The following EBF2 variants were observed in gnomAD, a reference collection of about 807,000 sequenced individuals.
EBF2 encodes the protein transcription factor COE2.
A neutral mutation model predicts 72.8 loss-of-function variants in EBF2; 21 were observed. The observed-to-expected ratio is 0.29, with a 90% confidence interval of 0.20 to 0.42. The LOEUF (loss-of-function observed/expected upper bound fraction) is 0.42. Ranked by LOEUF, EBF2 falls within the 10% of genes least tolerant of loss-of-function variation. EBF2 has a pLI of 1.00. For synonymous variants in EBF2, 299 were observed against 274.2 expected, an observed-to-expected ratio of 1.09 and a Z score of -0.89; for missense variants, 637 against 731.2, an observed-to-expected ratio of 0.87 and a Z score of 1.49.
chr8:25,949,071 G>A (rs1354567844), intron 6 of EBF2, among the ~76,000 whole-genome samples: 1 of 152,156 alleles, frequency 6.6e-6, no homozygotes, highest in African/African-American at 2.4e-5. Context: ...TTTATTGAAT[G>A]CCTACCATAT....
chr8:26,044,579 G>T lies in EBF2; in HGVS notation c.131+150C>A. 8.5e-7 allele frequency: 1 copy of T among 1,181,456 alleles called. No individual in the cohort carries two copies. Among genetic ancestry groups the T allele is most frequent in the South Asian group, 1.5e-5 (1 of 67,138 alleles). The allele number at this position is 1,181,456 out of a possible 1,614,324, so 73.2% of individuals were successfully genotyped here. On this transcript the variant is annotated intron_variant, in intron 1 of 15. Coordinates refer to ENST00000520164, the MANE Select transcript of EBF2 (RefSeq NM_022659.4). The surrounding 1 kb of genome is among the most constrained non-coding windows in gnomAD (Gnocchi z 4.1). ...TTCGCCTGACTGCAGCGATCTGCTTGCCCGAGGGCGAGCCCCAGCGCGCAG... is the reference window on the plus strand; with the variant it reads ...TTCGCCTGACTGCAGCGATCTGCTTTCCCGAGGGCGAGCCCCAGCGCGCAG...
intron 6 of EBF2, among the ~76,000 whole-genome samples, chr8:26,022,243 A>G (rs1805214069): frequency 6.6e-6 from 1 of 152,206 alleles, no homozygotes; most frequent in Non-Finnish European, 1.5e-5. Flanking sequence ...TTGGCCAGCT[A>G]CACAGCTCCC....
At chr8:25,910,992 A>G (rs1040884558) in intron 6 of EBF2, among the ~76,000 whole-genome samples, 29 of 152,076 alleles carry the variant, frequency 1.9e-4, no homozygotes, top group African/African-American at 5.1e-4. Context: ...GCTTACTGAC[A>G]TCTCCATTTT....
chr8:25,888,403 T>C (rs886667347), intron 8 of EBF2, among the ~76,000 whole-genome samples: 6 of 152,322 alleles, frequency 3.9e-5, no homozygotes, highest in African/African-American at 9.6e-5. Flanking sequence ...TTGACCATTA[T>C]GTATGAAAAA....
chr8:25,977,408 C>T (rs537191373), intron 6 of EBF2, among the ~76,000 whole-genome samples: 79 of 152,232 alleles, frequency 5.2e-4, no homozygotes, highest in African/African-American at 1.7e-3. Context: ...TGATTTTGCA[C>T]ATTTTCTACA....
chr8:25,987,539 C>T (rs937876891), intron 6 of EBF2, among the ~76,000 whole-genome samples: 1 of 152,188 alleles, frequency 6.6e-6, no homozygotes, highest in African/African-American at 2.4e-5. Context: ...TTTCTAAGAA[C>T]TTCTATGAGT....
intron 6 of EBF2, among the ~76,000 whole-genome samples, chr8:25,969,122 T>C (rs935448183): frequency 2.0e-5 from 3 of 152,154 alleles, no homozygotes; most frequent in African/African-American, 7.2e-5. Context: ...CTCCCCCATA[T>C]TGGAGACACC....
chr8:26,041,916 G>A (rs925962519), intron 2 of EBF2, among the ~76,000 whole-genome samples, 179 bp downstream of exon 2: 4 of 152,200 alleles, frequency 2.6e-5, no homozygotes, highest in Non-Finnish European at 5.9e-5. Flanking sequence ...GGTTGGGGGA[G>A]TCGGGGTGGG....
intron 7 of EBF2, among the ~76,000 whole-genome samples, chr8:25,903,187 G>GTTTTTTTTTTTTTTT (rs542446501): frequency 1.5e-5 from 2 of 132,526 alleles, no homozygotes; most frequent in Admixed American, 7.7e-5. Context: ...TTTTGTCTGG[G>GTTTTTTTTTTTTTTT]TTTTTTTTTT....
intron 6 of EBF2, among the ~76,000 whole-genome samples, chr8:25,930,395 T>C (rs1803459933): frequency 6.6e-6 from 1 of 152,214 alleles, no homozygotes; most frequent in African/African-American, 2.4e-5. Flanking sequence ...CACTCATATC[T>C]ATCTATAAGA....
At position 25,913,847 on chromosome 8, in the gene EBF2, C is replaced by A. The variant is rs75059493; in HGVS notation, c.552-5292G>T. On this transcript the variant is annotated intron_variant, in intron 6 of 15. Coordinates refer to ENST00000520164, the MANE Select transcript of EBF2 (RefSeq NM_022659.4). Reference sequence around the variant, plus strand: ...TGATTTTGCAGAAGACACTTTCTGTCTGGATTAGCTGTTAAACCTCCTTGT... The same window carrying A: ...TGATTTTGCAGAAGACACTTTCTGTATGGATTAGCTGTTAAACCTCCTTGT... Among the ~76,000 whole-genome samples the A allele has an allele frequency of 5.2e-3, 789 of 152,308 alleles. 7 individuals carry two copies. The highest frequency in any genetic ancestry group is 0.018 in the African/African-American group (749 of 41,570).
At chr8:26,035,438 C>T (rs1805485162) in intron 5 of EBF2, among the ~76,000 whole-genome samples, 1 of 152,148 alleles carries the variant, frequency 6.6e-6, no homozygotes, top group Non-Finnish European at 1.5e-5. Flanking sequence ...GTGTATGCCA[C>T]CATGCCAAGC....
At chr8:25,933,161 T>A (rs1803513115) in intron 6 of EBF2, among the ~76,000 whole-genome samples, 1 of 152,204 alleles carries the variant, frequency 6.6e-6, no homozygotes, top group Non-Finnish European at 1.5e-5. Flanking sequence ...GGATTCTATT[T>A]CCAGTTTGCT....
intron 15 of EBF2, among the ~76,000 whole-genome samples, chr8:25,850,235 C>T (rs1247262333): frequency 6.6e-6 from 1 of 152,170 alleles, no homozygotes; most frequent in Admixed American, 6.5e-5. Context: ...CCCTCAGCCT[C>T]TCGAGTAGCT....
intron 6 of EBF2, among the ~76,000 whole-genome samples, chr8:26,024,948 A>G (rs540236672): frequency 4.6e-5 from 7 of 152,324 alleles, no homozygotes; most frequent in Non-Finnish European, 1.0e-4. Context: ...TAAAGCAAGC[A>G]CGAAATAGGT....
chr8:26,040,701 G>A (rs1278800929), intron 3 of EBF2, 30 bp from the exon 4 acceptor site: 2 of 1,551,748 alleles, frequency 1.3e-6, no homozygotes, highest in African/African-American at 1.4e-5. Flanking sequence ...ACGAGTCAAG[G>A]GCCGTAGAGC....
At chr8:25,963,541 G>T (rs1336829831) in intron 6 of EBF2, among the ~76,000 whole-genome samples, 1 of 152,094 alleles carries the variant, frequency 6.6e-6, no homozygotes, top group Non-Finnish European at 1.5e-5. Context: ...TAGAGAACAG[G>T]AATGAAAACA....
intron 6 of EBF2, among the ~76,000 whole-genome samples, chr8:25,948,223 A>G (rs1803803547): frequency 6.6e-6 from 1 of 152,192 alleles, no homozygotes; most frequent in African/African-American, 2.4e-5. Flanking sequence ...CAAAAATGAC[A>G]AGGTGCACCG....
chr8:25,917,992 G>C (rs1411360958), intron 6 of EBF2, among the ~76,000 whole-genome samples: 1 of 152,196 alleles, frequency 6.6e-6, no homozygotes, highest in South Asian at 2.1e-4. Context: ...TGGAGATTTG[G>C]AAAGGGAATC....
Sources: allele counts gnomAD v4.1 joint callset (sites outside exome capture counted in the v4.1 genomes callset), GRCh38; gene constraint gnomAD v4.1.1; non-coding constraint Gnocchi (gnomAD v3.1); transcripts MANE v1.5; gene names NCBI Gene and HGNC (gene_info 2026-07-23, HGNC 2026-07-21).